LIPT1: variants seen among roughly 807,000 people sequenced by gnomAD.
The protein encoded by LIPT1 is lipoyl amidotransferase LIPT1, mitochondrial.
LIPT1 carries 22 observed loss-of-function variants against 25.1 expected under a neutral mutation model. That is an observed-to-expected ratio of 0.88 (90% CI 0.63 to 1.25). The LOEUF (loss-of-function observed/expected upper bound fraction) is 1.25. Among genes scored for constraint, LIPT1 ranks in the 50% most tolerant of loss-of-function variants. The pLI is 0.00. For missense variants in LIPT1, 399 were observed against 432.8 expected (o/e 0.92, Z 0.69); for synonymous variants, 131 against 150.8 (o/e 0.87, Z 0.96).
In LIPT1 at chr2:99,162,677, A is replaced by G. The variant is rs2105201647; in HGVS notation, c.720A>G (p.Gln240=). 6.2e-7 allele frequency: 1 copy of G among 1,614,166 alleles called. No homozygotes were observed. The highest frequency in any genetic ancestry group is 8.5e-7 in the Non-Finnish European group (1 of 1,180,024). ...AVATEYAAYH[Q]IDNHIHLINP... ...CTACAGAGTATGCTGCTTATCATCA[A>G]ATTGATAATCACATTCACCTAATAA... is the stretch of plus-strand genomic sequence containing the variant. Residue 240 remains glutamine (Q), a synonymous_variant, in exon 2 of 2, where the codon CAA becomes CAG. Coordinates refer to ENST00000651691, the MANE Select transcript of LIPT1 (RefSeq NM_145199.3).
In LIPT1 at chr2:99,154,994, T is replaced by G; in HGVS notation, c.-59T>G. The stretch of plus-strand genomic sequence containing the variant: ...GGCCTGCCGGTTGCTCGGGGTCGTA[T>G]GACGCACTTTTCCAGCTCGAGCCCT... On this transcript the variant is annotated 5_prime_UTR_variant, in exon 1 of 2. The change abolishes an upstream ATG in the 5' untranslated region. Transcript: ENST00000651691. 1 of 455,994 alleles carries G rather than the reference T, an allele frequency of 2.2e-6. No homozygotes were observed. Among genetic ancestry groups the G allele is most frequent in the Non-Finnish European group, 4.4e-6 (1 of 226,774 alleles). 28.2% of individuals were successfully genotyped at this position (455,994 alleles called of 1,614,324 possible).
rs149411732 is a variant in LIPT1, at chr2:99,162,510, G to A, written c.553G>A (p.Asp185Asn). 18 of 1,614,174 alleles carry A rather than the reference G, an allele frequency of 1.1e-5. No individual in the cohort carries two copies. In the African/African-American group the frequency reaches 2.3e-4, roughly 20 times the overall value. The change falls in exon 2 of 2, where the codon GAT (aspartate) becomes AAT (asparagine). Residue 185 changes from aspartate to asparagine, a missense_variant. Coordinates refer to ENST00000651691, the MANE Select transcript of LIPT1 (RefSeq NM_145199.3). ...YHHCTLLCSTDGTFLSSLLKS... is the reference protein window; with the variant it reads ...YHHCTLLCSTNGTFLSSLLKS... ...CCATTGCACTTTATTATGTAGTACTGATGGGACGTTCTTGTCTTCTTTGCT... is the reference window on the plus strand; with the variant it reads ...CCATTGCACTTTATTATGTAGTACTAATGGGACGTTCTTGTCTTCTTTGCT...
chr2:99,155,146 G>C (rs978710869), intron 1 of LIPT1, 95 bp downstream of exon 1: 43 of 440,238 alleles, frequency 9.8e-5, no homozygotes, highest in Admixed American at 2.2e-4. Flanking sequence ...TTCTGGCGGT[G>C]GGTCAGGACT....
intron 1 of LIPT1, among the ~76,000 whole-genome samples, chr2:99,159,345 G>A (rs920634422): frequency 2.0e-5 from 3 of 152,220 alleles, no homozygotes. Context: ...TTACAGGCAT[G>A]AGCCACTGCG....
intron 1 of LIPT1, chr2:99,155,379 T>C: frequency 2.4e-6 from 1 of 416,052 alleles, no homozygotes. Flanking sequence ...GTAAGTTGTA[T>C]ATCATTAGAG....
Position 99,162,173 on chromosome 2 carries a change from T to G in LIPT1, c.216T>G (p.Val72=). Residue 72 remains valine, a synonymous_variant, in exon 2 of 2, where the codon GTT becomes GTG. Coordinates refer to ENST00000651691, the MANE Select transcript of LIPT1 (RefSeq NM_145199.3). ...TCTTTTGGCAGAATTCTCCCTCTGTTGTAATTGGTAGGCATCAAAATCCTT... is the reference window on the plus strand; with the variant it reads ...TCTTTTGGCAGAATTCTCCCTCTGTGGTAATTGGTAGGCATCAAAATCCTT... ...ILFFWQNSPS[V]VIGRHQNPWQ... 1 of 1,614,064 alleles carries G rather than the reference T, an allele frequency of 6.2e-7. No individual in the cohort carries two copies. Among genetic ancestry groups the G allele is most frequent in the Non-Finnish European group, 8.5e-7 (1 of 1,179,958 alleles).
chr2:99,162,814 AT>A lies in LIPT1; in HGVS notation c.858del (p.His286GlnfsTer15), dbSNP rs759160750. 23 of 1,614,030 alleles carry A rather than the reference AT, an allele frequency of 1.4e-5. No homozygotes were observed. The highest frequency in any genetic ancestry group is 1.9e-5 in the Non-Finnish European group (23 of 1,179,998). On this transcript the variant is annotated frameshift_variant, in exon 2 of 2. Coordinates refer to ENST00000651691, the MANE Select transcript of LIPT1 (RefSeq NM_145199.3). LOFTEE classifies it high-confidence loss of function. ...AAGTTTAGTATAAATACTTCCTTTCATGTGTTATATGAACAGTCACACTTGG... is the reference window on the plus strand; with the variant it reads ...AAGTTTAGTATAAATACTTCCTTTCAGTGTTATATGAACAGTCACACTTGG... ...TPKFSINTSFHVLYEQSHLEI... is the reference protein window; with the variant it reads ...TPKFSINTSFXVLYEQSHLEI...
At chr2:99,155,462 T>A in intron 1 of LIPT1, 1 of 455,972 alleles carries the variant, frequency 2.2e-6, no homozygotes, top group Non-Finnish European at 4.4e-6. Flanking sequence ...TAGATGGGAT[T>A]GTGCTGTTTT....
At chr2:99,157,078 T>TGC (rs2093761004) in intron 1 of LIPT1, among the ~76,000 whole-genome samples, 1 of 152,188 alleles carries the variant, frequency 6.6e-6, no homozygotes, top group African/African-American at 2.4e-5. Flanking sequence ...CAGCTAGAGG[T>TGC]TAAACCACTT....
chr2:99,161,422 A>G (rs1472143208), intron 1 of LIPT1: 1 of 148,648 alleles, frequency 6.7e-6, no homozygotes, highest in Non-Finnish European at 1.5e-5. Flanking sequence ...GTTTACACCA[A>G]AATGTTAATT....
At chr2:99,160,707 CCT>C (rs918294495) in intron 1 of LIPT1, among the ~76,000 whole-genome samples, 4 of 152,094 alleles carry the variant, frequency 2.6e-5, no homozygotes, top group African/African-American at 9.7e-5. Flanking sequence ...CTCCCAGTTG[CCT>C]CTCTCTCTGA....
rs375081655 is a variant in LIPT1 at position 99,155,515 on chromosome 2, A to G, written c.-2+464A>G. On this transcript the variant is annotated intron_variant, in intron 1 of 1. Coordinates refer to ENST00000651691, the MANE Select transcript of LIPT1 (RefSeq NM_145199.3). ...TGGGGAGCCGTGTTTGGCAGTGCAG[A>G]GGTAGCGAAGTGTCCCAAGAACATG... 8.1e-5 allele frequency: 37 copies of G among 456,024 alleles called. No individual in the cohort carries two copies. The East Asian group carries it at 2.1e-3, about 26-fold the overall frequency. The allele number at this position is 456,024 out of a possible 1,614,324, so 28.2% of individuals were successfully genotyped here.
intron 1 of LIPT1, among the ~76,000 whole-genome samples, chr2:99,158,951 C>T (rs2093769336): frequency 6.6e-6 from 1 of 151,916 alleles, no homozygotes; most frequent in Non-Finnish European, 1.5e-5. Flanking sequence ...TTCTTTTAGA[C>T]GGAGTCTTGC....
chr2:99,162,815 T>C lies in LIPT1; in HGVS notation c.858T>C (p.His286=). The change falls in exon 2 of 2, where the codon CAT becomes CAC. Residue 286 remains histidine (H), a synonymous_variant. Transcript: ENST00000651691. The part of the protein sequence containing the change: ...TPKFSINTSF[H]VLYEQSHLEI... The stretch of plus-strand genomic sequence containing the variant: ...AGTTTAGTATAAATACTTCCTTTCA[T>C]GTGTTATATGAACAGTCACACTTGG... The C allele has an allele frequency of 6.2e-7, 1 of 1,614,110 alleles. No homozygotes were observed. The highest frequency in any genetic ancestry group is 8.5e-7 in the Non-Finnish European group (1 of 1,179,944).
chr2:99,156,417 C>T (rs866308307), intron 1 of LIPT1: 18 of 152,256 alleles, frequency 1.2e-4, no homozygotes, highest in African/African-American at 4.3e-4. Context: ...GCGCCTGCCA[C>T]CACGCCCAGG....
chr2:99,155,124 C>A (rs373913925), intron 1 of LIPT1, 73 bp downstream of exon 1: 6 of 449,246 alleles, frequency 1.3e-5, no homozygotes, highest in African/African-American at 1.2e-4. Flanking sequence ...GGGTCTTGGG[C>A]GCGCGCGGTG....
chr2:99,161,935 G>T (rs763538766), intron 1 of LIPT1, 22 bp from the exon 2 acceptor site: 3 of 1,545,008 alleles, frequency 1.9e-6, no homozygotes, highest in Non-Finnish European at 2.6e-6. Context: ...GAATTAATTT[G>T]TTTGTCTTCC....
In LIPT1 at chr2:99,155,026, G is replaced by C. The variant is rs1428232109; in HGVS notation, c.-27G>C. 4.4e-6 allele frequency: 2 copies of C among 456,046 alleles called. No individual in the cohort carries two copies. The highest frequency in any genetic ancestry group is 7.0e-5 in the East Asian group (1 of 14,388). The allele number at this position is 456,046 out of a possible 1,614,324, so 28.2% of individuals were successfully genotyped here. ...CTTTTCCAGCTCGAGCCCTCACGAG[G>C]CCGTGGGTACGACCGGAAGCCGCAG... On this transcript the variant is annotated 5_prime_UTR_variant, in exon 1 of 2. Transcript: ENST00000651691.
At position 99,155,001 on chromosome 2, in the gene LIPT1, C is replaced by G. The variant is rs763128146; in HGVS notation, c.-52C>G. ...CGGTTGCTCGGGGTCGTATGACGCA[C>G]TTTTCCAGCTCGAGCCCTCACGAGG... On this transcript the variant is annotated 5_prime_UTR_variant, in exon 1 of 2. Coordinates refer to ENST00000651691, the MANE Select transcript of LIPT1 (RefSeq NM_145199.3). 8 of 456,016 alleles carry G rather than the reference C, an allele frequency of 1.8e-5. No individual in the cohort carries two copies. Among genetic ancestry groups the G allele is most frequent in the South Asian group, 1.1e-4 (7 of 64,566 alleles). 28.2% of individuals were successfully genotyped at this position (456,016 alleles called of 1,614,324 possible).
Sources: allele counts gnomAD v4.1 joint callset (sites outside exome capture counted in the v4.1 genomes callset), GRCh38; gene constraint gnomAD v4.1.1; transcripts MANE v1.5; gene names NCBI Gene and HGNC (gene_info 2026-07-23, HGNC 2026-07-21).